Variants in SEMA5B observed in about 807,000 individuals in gnomAD.
The protein encoded by SEMA5B is semaphorin 5B.
SEMA5B carries 66 observed loss-of-function variants against 135.0 expected under a neutral mutation model. The ratio of observed to expected loss-of-function variants is 0.49; its 90% CI spans 0.40 to 0.60. SEMA5B has a LOEUF of 0.60. Among genes scored for constraint, SEMA5B ranks in the 20% least tolerant of loss-of-function variants. The pLI, the probability that SEMA5B is intolerant of heterozygous loss-of-function variation, is 0.00. For synonymous variants in SEMA5B, 690 were observed against 639.5 expected, an observed-to-expected ratio of 1.08 and a Z score of -1.19; for missense variants, 1,501 against 1,566.3, an observed-to-expected ratio of 0.96 and a Z score of 0.70.
At chr3:122,943,617 G>A (rs1484437450) in intron 3 of SEMA5B, 82 bp from the exon 4 acceptor site, 7 of 1,059,786 alleles carry the variant, frequency 6.6e-6, no homozygotes, top group Non-Finnish European at 9.9e-6. Context: ...AGAACAGAAG[G>A]GTGAAAGTCA....
chr3:123,007,593 C>T (rs760312639), intron 1 of SEMA5B, among the ~76,000 whole-genome samples: 43 of 152,066 alleles, frequency 2.8e-4, no homozygotes, highest in Admixed American at 5.9e-4. Flanking sequence ...AATGGGTTAT[C>T]ATGGGAGGGG....
chr3:122,919,860 A>C (rs1938261993), intron 12 of SEMA5B, among the ~76,000 whole-genome samples: 1 of 152,026 alleles, frequency 6.6e-6, no homozygotes, highest in Admixed American at 6.5e-5. Flanking sequence ...CTCCAAACTG[A>C]CCTCTTTGTG....
rs751614113 is a variant in SEMA5B at position 122,912,360 on chromosome 3, G to A, written c.2726-18C>T. 3 of 1,564,904 alleles carry A rather than the reference G, an allele frequency of 1.9e-6. No individual in the cohort carries two copies. The highest frequency in any genetic ancestry group is 1.2e-5 in the South Asian group (1 of 82,648). ...ACCCCGAACTGCAAGGGGACGGGGT[G>A]TGTGAGGGGCTGTAGGGGCAGCCAG... On this transcript the variant is annotated intron_variant, in intron 18 of 22. Coordinates refer to ENST00000357599, the MANE Select transcript of SEMA5B (RefSeq NM_001031702.4).
intron 1 of SEMA5B, among the ~76,000 whole-genome samples, chr3:122,982,492 T>C (rs1941549496): frequency 6.6e-6 from 1 of 152,250 alleles, no homozygotes; most frequent in African/African-American, 2.4e-5. Flanking sequence ...GATTGTTTGC[T>C]ACTTTGCATG....
chr3:123,022,740 G>A (rs1942714576), intron 1 of SEMA5B, among the ~76,000 whole-genome samples: 3 of 152,174 alleles, frequency 2.0e-5, no homozygotes. Flanking sequence ...ACTCAAATCA[G>A]GACTGAGAGG....
intron 10 of SEMA5B, 105 bp downstream of exon 10, chr3:122,923,512 G>A (rs1367429760): frequency 8.6e-6 from 11 of 1,280,014 alleles, no homozygotes; most frequent in South Asian, 1.3e-5. Context: ...TGGCAGGGAC[G>A]GGTCTGGTGT....
At chr3:123,019,962 A>G (rs905318483) in intron 1 of SEMA5B, among the ~76,000 whole-genome samples, 1 of 152,238 alleles carries the variant, frequency 6.6e-6, no homozygotes, top group African/African-American at 2.4e-5. Context: ...GAAGCCTCAG[A>G]GGAGAGCAGT....
chr3:122,966,563 A>ATTTTTTTTT (rs763448433), intron 1 of SEMA5B, among the ~76,000 whole-genome samples: 23 of 115,072 alleles, frequency 2.0e-4, no homozygotes, highest in African/African-American at 8.8e-4. Context: ...TATTATTATT[A>ATTTTTTTTT]TTATTTTTTG....
intron 5 of SEMA5B, among the ~76,000 whole-genome samples, chr3:122,935,686 CTTTTTTTTTTTTTT>C (rs147968317): frequency 4.3e-5 from 3 of 70,266 alleles, no homozygotes; most frequent in East Asian, 4.0e-4. Context: ...TTCTTTCTTT[CTTTTTTTTTTTTTT>C]TTTTTTTTTT....
intron 1 of SEMA5B, among the ~76,000 whole-genome samples, chr3:122,988,304 G>A (rs1941762449): frequency 6.6e-6 from 1 of 152,198 alleles, no homozygotes; most frequent in Admixed American, 6.5e-5. Context: ...TGAAAAGAAG[G>A]TGTGGCACCC....
intron 12 of SEMA5B, among the ~76,000 whole-genome samples, chr3:122,918,797 C>T (rs1938201113): frequency 3.3e-5 from 5 of 152,150 alleles, no homozygotes; most frequent in Non-Finnish European, 7.3e-5. Flanking sequence ...ATAACTGCCT[C>T]CTTGGCTCAA....
chr3:122,927,125 G>C (rs1189311729), intron 8 of SEMA5B, among the ~76,000 whole-genome samples: 1 of 152,208 alleles, frequency 6.6e-6, no homozygotes, highest in African/African-American at 2.4e-5. Flanking sequence ...CTAATAGTTA[G>C]TGAGGAAGCA....
chr3:122,911,821 C>T (rs1480756782), intron 20 of SEMA5B, 99 bp downstream of exon 20: 7 of 1,374,174 alleles, frequency 5.1e-6, no homozygotes, highest in African/African-American at 1.4e-5. Flanking sequence ...TCATCCTGTG[C>T]CCCCTGCTCC....
chr3:122,960,869 G>A (rs11711303), intron 2 of SEMA5B, among the ~76,000 whole-genome samples: 35,881 of 152,068 alleles, frequency 0.24, 4,358 homozygotes, highest in East Asian at 0.37. Context: ...TTTGCAAGAT[G>A]AAGTGTTCTG....
chr3:122,975,522 C>T (rs565612507), intron 1 of SEMA5B, among the ~76,000 whole-genome samples: 3 of 152,338 alleles, frequency 2.0e-5, no homozygotes, highest in African/African-American at 7.2e-5. Context: ...CTCCTTTAGC[C>T]TCTCTGAGTC....
intron 2 of SEMA5B, among the ~76,000 whole-genome samples, chr3:122,952,053 C>T (rs541353387): frequency 6.6e-6 from 1 of 152,308 alleles, no homozygotes; most frequent in East Asian, 1.9e-4. Context: ...CTGCACCCCA[C>T]AGGGAATTAG....
chr3:122,930,841 C>T (rs777753257), intron 5 of SEMA5B, among the ~76,000 whole-genome samples: 1 of 152,146 alleles, frequency 6.6e-6, no homozygotes, highest in Non-Finnish European at 1.5e-5. Flanking sequence ...GCAAGTTGCC[C>T]AAGGTCACAC....
intron 1 of SEMA5B, among the ~76,000 whole-genome samples, chr3:123,023,668 T>C (rs1942739779): frequency 1.3e-5 from 2 of 152,198 alleles, no homozygotes; most frequent in South Asian, 4.1e-4. Flanking sequence ...TCCAAGTCCT[T>C]TGGACAACTC....
chr3:122,927,385 G>A (rs1938696257), intron 8 of SEMA5B, among the ~76,000 whole-genome samples: 1 of 152,114 alleles, frequency 6.6e-6, no homozygotes, highest in Admixed American at 6.5e-5. Flanking sequence ...TAGAGACAGG[G>A]TCTTGCTATG....
Sources: allele counts gnomAD v4.1 joint callset (sites outside exome capture counted in the v4.1 genomes callset), GRCh38; gene constraint gnomAD v4.1.1; transcripts MANE v1.5; gene names NCBI Gene and HGNC (gene_info 2026-07-23, HGNC 2026-07-21).